The following CD72 variants were observed in gnomAD, a reference collection of about 807,000 sequenced individuals.
CD72 encodes CD72 molecule, also known as B-cell differentiation antigen CD72.
CD72 carries 28 observed loss-of-function variants against 50.7 expected under a neutral mutation model. The ratio of observed to expected loss-of-function variants is 0.55; its 90% CI spans 0.41 to 0.76. The LOEUF is 0.76. Ranked by LOEUF, CD72 falls within the 30% of genes least tolerant of loss-of-function variation. CD72 has a pLI of 0.00. For missense variants in CD72, 403 were observed against 420.6 expected (o/e 0.96, Z 0.37); for synonymous variants, 176 against 171.2 (o/e 1.03, Z -0.22).
chr9:35,626,882 C>T (rs867327771), intron 1 of CD72, among the ~76,000 whole-genome samples: 3 of 151,636 alleles, frequency 2.0e-5, no homozygotes, highest in South Asian at 2.1e-4. Context: ...GATGGAGTCT[C>T]GCACTGTCTC....
chr9:35,645,043 C>T (rs1823375461), intron 1 of CD72, among the ~76,000 whole-genome samples: 1 of 151,252 alleles, frequency 6.6e-6, no homozygotes. Flanking sequence ...TTACTAAAAA[C>T]ACAAAATAAG....
intron 1 of CD72, among the ~76,000 whole-genome samples, chr9:35,645,827 CG>C (rs1486584642): frequency 6.6e-6 from 1 of 151,796 alleles, no homozygotes; most frequent in Non-Finnish European, 1.5e-5. Context: ...GTGCCCTGGC[CG>C]GATGGCTTCC....
chr9:35,629,093 T>G (rs561824743), intron 1 of CD72, among the ~76,000 whole-genome samples: 1 of 151,990 alleles, frequency 6.6e-6, no homozygotes, highest in Admixed American at 6.5e-5. Context: ...CCCAGGTTGG[T>G]CTCAAACTCC....
Position 35,637,796 on chromosome 9 carries a change from ATTGT to A in CD72, n.408+8603_408+8606del, listed in dbSNP as rs1823304633. ...CCCACATTCCCTTGGTGGCAAGTCA[ATTGT>A]GGGGACGCCTGCTTTGGCTGCTCAC... On this transcript the variant is annotated intron_variant and non_coding_transcript_variant, in intron 1 of 3. Transcript: ENST00000465754. Among the ~76,000 whole-genome samples, 6 of 152,034 alleles carry A rather than the reference ATTGT, an allele frequency of 3.9e-5. No individual in the cohort carries two copies. In the South Asian group the frequency reaches 1.2e-3, roughly 31 times the overall value.
intron 1 of CD72, among the ~76,000 whole-genome samples, chr9:35,633,358 G>C (rs1357430928): frequency 6.7e-6 from 1 of 149,008 alleles, no homozygotes; most frequent in Non-Finnish European, 1.5e-5. Flanking sequence ...TGAAATAAGT[G>C]CTCCCTTTAT....
chr9:35,627,276 C>T (rs1208748415), intron 1 of CD72, among the ~76,000 whole-genome samples: 4 of 151,904 alleles, frequency 2.6e-5, no homozygotes, highest in Admixed American at 2.0e-4. Flanking sequence ...AGGCATGCAC[C>T]ACCAGGACAG....
At chr9:35,626,565 T>C (rs866478985) in intron 1 of CD72, among the ~76,000 whole-genome samples, 2 of 152,260 alleles carry the variant, frequency 1.3e-5, no homozygotes, top group Admixed American at 6.5e-5. Context: ...AAACATTGCA[T>C]GCTACAGAGA....
intron 1 of CD72, among the ~76,000 whole-genome samples, chr9:35,632,201 G>A (rs1295548289): frequency 1.5e-4 from 22 of 148,046 alleles, no homozygotes; most frequent in African/African-American, 4.5e-4. Context: ...TTTTTGAGAC[G>A]GAGTATCGCT....
chr9:35,618,546 G>C (rs1389160982), upstream of CD72: 1 of 906,220 alleles, frequency 1.1e-6, no homozygotes. Context: ...GGGACGCTGA[G>C]GTCCAGAACA....
In CD72 at chr9:35,611,849, C is replaced by T; in HGVS notation, c.905G>A (p.Ser302Asn). Residue 302 changes from serine (S) to asparagine (N), a missense_variant, in exon 7 of 9, where the codon AGC (serine) becomes AAC (asparagine). Physicochemically the swap from Ser to Asn is conservative, Grantham distance 46 (BLOSUM62 1). Coordinates refer to ENST00000259633, the MANE Select transcript of CD72 (RefSeq NM_001782.3). ...AGTCAACTTCCAATCCTTGTTAGAG[C>T]TGAGGCCAGTCCAATATGAATTCCC... Reference protein sequence around the residue: ...GSGNSYWTGLSSNKDWKLTDD... With the variant: ...GSGNSYWTGLNSNKDWKLTDD... 9.3e-6 allele frequency: 15 copies of T among 1,613,222 alleles called. No homozygotes were observed. Among genetic ancestry groups the T allele is most frequent in the Non-Finnish European group, 1.3e-5 (15 of 1,179,170 alleles).
upstream of CD72, among the ~76,000 whole-genome samples, chr9:35,624,218 AAT>A (rs1466720904): frequency 1.6e-3 from 7 of 4,390 alleles, no homozygotes; most frequent in East Asian, 0.022. Context: ...TCTCAAAAAT[AAT>A]AATAATAATA....
intron 1 of CD72, among the ~76,000 whole-genome samples, chr9:35,625,441 C>A (rs370216561): frequency 6.6e-6 from 1 of 152,252 alleles, no homozygotes; most frequent in African/African-American, 2.4e-5. Flanking sequence ...AGGTTGGTTC[C>A]TGAGGTTTAA....
chr9:35,610,877 A>G (rs1014157532), intron 7 of CD72, 124 bp from the exon 8 acceptor site: 4 of 716,184 alleles, frequency 5.6e-6, no homozygotes, highest in African/African-American at 1.8e-5. Flanking sequence ...ACATCTGGGC[A>G]TGGTTCAGGA....
At chr9:35,643,117 C>G (rs1823354456) in intron 1 of CD72, 1 of 152,238 alleles carries the variant, frequency 6.6e-6, no homozygotes, top group South Asian at 2.1e-4. Flanking sequence ...GTGGACCTGG[C>G]TTCAAATGCC....
intron 1 of CD72, among the ~76,000 whole-genome samples, chr9:35,629,445 A>G (rs184269124): frequency 2.4e-4 from 37 of 152,320 alleles, no homozygotes; most frequent in African/African-American, 8.4e-4. Context: ...ATATGTATGT[A>G]TGTTTATATA....
intron 3 of CD72, 38 bp downstream of exon 3, chr9:35,617,138 C>T: frequency 6.4e-7 from 1 of 1,550,598 alleles, no homozygotes; most frequent in African/African-American, 1.4e-5. Context: ...CAGGCGCGAG[C>T]ACTTGGCCCC....
At chr9:35,641,061 T>C (rs1412876217) in intron 1 of CD72, among the ~76,000 whole-genome samples, 1 of 152,192 alleles carries the variant, frequency 6.6e-6, no homozygotes, top group East Asian at 1.9e-4. Flanking sequence ...CCAGCTAGTC[T>C]TGTCTCTCAG....
upstream of CD72, among the ~76,000 whole-genome samples, chr9:35,621,629 A>AG (rs982967604): frequency 6.6e-6 from 1 of 152,220 alleles, no homozygotes; most frequent in Admixed American, 6.5e-5. Flanking sequence ...TCCTTTAGAT[A>AG]GAGAGATTAT....
chr9:35,625,183 G>T (rs1379780827), intron 1 of CD72, among the ~76,000 whole-genome samples: 2 of 152,196 alleles, frequency 1.3e-5, no homozygotes, highest in East Asian at 3.8e-4. Context: ...TAGCCAAGTT[G>T]CAAATGCAAA....
Sources: gnomAD v4.1 joint callset for allele counts (sites outside exome capture counted in the v4.1 genomes callset) on GRCh38, gnomAD v4.1.1 for gene constraint, MANE v1.5 for transcripts, NCBI Gene and HGNC (gene_info 2026-07-23, HGNC 2026-07-21) for gene names.